CDKL5: variants seen among roughly 807,000 people sequenced by gnomAD.
The protein encoded by CDKL5 is cyclin-dependent kinase-like 5.
Under a neutral mutation model 61.7 loss-of-function variants are expected in CDKL5, and 8 were observed. The observed-to-expected ratio is 0.13, with a 90% CI of 0.08 to 0.23. CDKL5 has a LOEUF of 0.23. Among genes scored for constraint, CDKL5 ranks in the 10% least tolerant of loss-of-function variants. The probability of loss-of-function intolerance (pLI) is 1.00; values close to 1 mark genes in which losing one functional copy is unlikely to be tolerated. For synonymous variants in CDKL5, 275 were observed against 272.3 expected, an observed-to-expected ratio of 1.01 and a Z score of -0.10; for missense variants, 440 against 734.5, an observed-to-expected ratio of 0.60 and a Z score of 4.63.
At chrX:18,479,738 G>T (rs181567746) in intron 1 of CDKL5, among the ~76,000 whole-genome samples, 248 of 111,778 alleles carry the variant, frequency 2.2e-3, no homozygotes, top group Non-Finnish European at 3.9e-3. Context: ...GGGATGATGA[G>T]ATAGATAGAT....
intron 1 of CDKL5, among the ~76,000 whole-genome samples, chrX:18,450,379 T>C (rs776412674): frequency 7.2e-5 from 8 of 111,829 alleles, no homozygotes; most frequent in Non-Finnish European, 1.5e-4. Context: ...TAAATACTAG[T>C]TCCTGTTATT....
At chrX:18,594,617 C>T (rs1488978202) in intron 9 of CDKL5, among the ~76,000 whole-genome samples, 1 of 111,749 alleles carries the variant, frequency 8.9e-6, no homozygotes, top group Admixed American at 9.5e-5. Context: ...TATAAGGATT[C>T]TATCTAATGT....
intron 1 of CDKL5, among the ~76,000 whole-genome samples, chrX:18,469,047 C>A (rs1307761165): frequency 9.0e-6 from 1 of 110,922 alleles, no homozygotes; most frequent in Non-Finnish European, 1.9e-5. Flanking sequence ...CACAAAAAAT[C>A]ATTGAATAGG....
chrX:18,536,936 A>G (rs1381315288), intron 3 of CDKL5, among the ~76,000 whole-genome samples: 1 of 110,553 alleles, frequency 9.0e-6, no homozygotes. Flanking sequence ...ATTTTTAATT[A>G]TATGTAGCAG....
chrX:18,449,578 G>A (rs986647568), intron 1 of CDKL5, among the ~76,000 whole-genome samples: 1 of 112,349 alleles, frequency 8.9e-6, no homozygotes, highest in African/African-American at 3.2e-5. Flanking sequence ...AAGATGTAGA[G>A]GAAATACTGC....
chrX:18,500,230 ATATG>A (rs1922334647), intron 1 of CDKL5, among the ~76,000 whole-genome samples: 1 of 111,937 alleles, frequency 8.9e-6, no homozygotes, highest in African/African-American at 3.2e-5. Flanking sequence ...CAAGCATACA[ATATG>A]TAATGATCAG....
In CDKL5 at chrX:18,647,211, C is replaced by T. The variant is rs762601581; in HGVS notation, c.2797+1121C>T. The T allele has an allele frequency of 8.3e-7, 1 of 1,211,081 alleles. No homozygotes were observed. The highest frequency in any genetic ancestry group is 1.1e-6 in the Non-Finnish European group (1 of 895,403). On this transcript the variant is annotated intron_variant, in intron 20 of 21. Coordinates refer to the CDKL5 transcript ENST00000379989. ...CTTACCCAAAGCCTTGACTGTTGAGCCGGGCCTTGTTTGCAGTCCACGAAG... is the reference window on the plus strand; with the variant it reads ...CTTACCCAAAGCCTTGACTGTTGAGTCGGGCCTTGTTTGCAGTCCACGAAG...
At chrX:18,474,102 C>T (rs1316664046) in intron 1 of CDKL5, among the ~76,000 whole-genome samples, 1 of 110,570 alleles carries the variant, frequency 9.0e-6, no homozygotes, top group Non-Finnish European at 1.9e-5. Flanking sequence ...CTCCTGACCA[C>T]AGTTGATCCA....
intron 21 of CDKL5, among the ~76,000 whole-genome samples, chrX:18,651,092 C>CT (rs1247643381): frequency 2.0e-4 from 22 of 109,723 alleles, no homozygotes; most frequent in African/African-American, 7.3e-4. Flanking sequence ...CTCTATCCTA[C>CT]TCTGTTCTGT....
intron 1 of CDKL5, among the ~76,000 whole-genome samples, chrX:18,491,759 A>G (rs1447455636): frequency 8.9e-6 from 1 of 112,016 alleles, no homozygotes. Flanking sequence ...TTTAAGCACA[A>G]TTTTAATTTG....
chrX:18,465,934 A>T (rs1181467008), intron 1 of CDKL5, among the ~76,000 whole-genome samples: 1 of 112,040 alleles, frequency 8.9e-6, no homozygotes, highest in Admixed American at 9.5e-5. Context: ...TGGTTTCAGG[A>T]ATGGTATTAA....
At chrX:18,512,956 C>T (rs1214329983) in intron 3 of CDKL5, among the ~76,000 whole-genome samples, 1 of 111,344 alleles carries the variant, frequency 9.0e-6, no homozygotes, top group Non-Finnish European at 1.9e-5. Flanking sequence ...ATGGAAACTT[C>T]AGTTCTTACT....
At chrX:18,606,197 C>T (rs930569122) in intron 12 of CDKL5, among the ~76,000 whole-genome samples, 4 of 109,439 alleles carry the variant, frequency 3.7e-5, no homozygotes, top group African/African-American at 1.3e-4. Context: ...CACACACACA[C>T]ACACACACAC....
chrX:18,444,338 A>G (rs1931824417), intron 1 of CDKL5, among the ~76,000 whole-genome samples: 1 of 111,654 alleles, frequency 9.0e-6, no homozygotes, highest in Non-Finnish European at 1.9e-5. Context: ...GACATCTATC[A>G]TACGATTCAC....
At chrX:18,456,784 A>G (rs752435944) in intron 1 of CDKL5, among the ~76,000 whole-genome samples, 3 of 111,466 alleles carry the variant, frequency 2.7e-5, no homozygotes, top group Non-Finnish European at 3.8e-5. Flanking sequence ...TCCTACTTCC[A>G]TCTCTAGCCT....
At chrX:18,508,206 A>G (rs1390305176) in intron 2 of CDKL5, among the ~76,000 whole-genome samples, 1 of 112,676 alleles carries the variant, frequency 8.9e-6, no homozygotes, top group Non-Finnish European at 1.9e-5. Flanking sequence ...CAGAATTTTC[A>G]AATAAACTCT....
At chrX:18,651,264 T>TGTGTGTGAGAGAGA (rs1491242962) in intron 21 of CDKL5, among the ~76,000 whole-genome samples, 101 of 69,004 alleles carry the variant, frequency 1.5e-3, no homozygotes, top group African/African-American at 5.9e-3. Context: ...TGTGTGTGTG[T>TGTGTGTGAGAGAGA]GAGAGAGAGA....
intron 1 of CDKL5, among the ~76,000 whole-genome samples, chrX:18,472,158 GTCTCA>G (rs1400069551): frequency 2.7e-5 from 3 of 111,860 alleles, no homozygotes; most frequent in Non-Finnish European, 5.6e-5. Context: ...GTCTCTTTTG[GTCTCA>G]TCTCATCAGT....
At chrX:18,456,921 T>C (rs947974474) in intron 1 of CDKL5, among the ~76,000 whole-genome samples, 1 of 111,414 alleles carries the variant, frequency 9.0e-6, no homozygotes, top group African/African-American at 3.3e-5. Flanking sequence ...GGAAATATGC[T>C]TTTCTATCTT....
Sources: allele counts gnomAD v4.1 joint callset (sites outside exome capture counted in the v4.1 genomes callset), GRCh38; gene constraint gnomAD v4.1.1; transcripts MANE v1.5; gene names NCBI Gene and HGNC (gene_info 2026-07-23, HGNC 2026-07-21).